The following CEP350 variants were observed in gnomAD, a reference collection of about 807,000 sequenced individuals.
CEP350 encodes the protein centrosome-associated protein 350.
CEP350 carries 126 observed loss-of-function variants against 331.8 expected under a neutral mutation model. The observed-to-expected ratio is 0.38, with a 90% confidence interval of 0.33 to 0.44. CEP350 has a LOEUF of 0.44. CEP350 is among the 20% of genes least tolerant of loss of function. CEP350 has a pLI of 1.00. For missense variants in CEP350, 3,406 were observed against 3,634.6 expected (o/e 0.94, Z 1.62); for synonymous variants, 1,200 against 1,259.5 (o/e 0.95, Z 1.00).
At chr1:180,041,559 T>C in intron 18 of CEP350, 103 bp from the exon 19 acceptor site, 1 of 1,172,248 alleles carries the variant, frequency 8.5e-7, no homozygotes, top group Non-Finnish European at 1.2e-6. Context: ...GTAAAGTGTT[T>C]TTTACTATGA....
At position 180,036,951 on chromosome 1, in the gene CEP350, C is replaced by T. The variant is rs140153441; in HGVS notation, c.3972C>T (p.Gly1324=). 1.9e-4 allele frequency: 295 copies of T among 1,582,002 alleles called. No individual in the cohort carries two copies. The highest frequency in any genetic ancestry group is 2.5e-4 in the Non-Finnish European group (287 of 1,165,694). Residue 1324 remains glycine, a synonymous_variant, in exon 17 of 38, where the codon GGC becomes GGT. Transcript: ENST00000367607. ...IPGSKRFSPA[G]LHHRMAAELS... is the part of the protein sequence containing the mutation. ...GTTCTAAGCGCTTTTCTCCTGCTGGCCTCCATCATCGTATGGCAGCAGAAC... is the reference window on the plus strand; with the variant it reads ...GTTCTAAGCGCTTTTCTCCTGCTGGTCTCCATCATCGTATGGCAGCAGAAC...
chr1:180,068,063 A>G (rs1022416980), intron 27 of CEP350, among the ~76,000 whole-genome samples: 2 of 152,234 alleles, frequency 1.3e-5, no homozygotes, highest in African/African-American at 4.8e-5. Flanking sequence ...ATTGTTATAA[A>G]TCACCAAAGA....
rs772956436 is a variant in CEP350 at position 180,041,788 on chromosome 1, C to T, written c.4348C>T (p.Arg1450Cys). 9.3e-6 allele frequency: 15 copies of T among 1,612,096 alleles called. No homozygotes were observed. The highest frequency in any genetic ancestry group is 2.2e-5 in the East Asian group (1 of 44,848). Residue 1450 changes from arginine to cysteine, a missense_variant, in exon 19 of 38, where the codon CGT becomes TGT. Arg to Cys is a radical substitution (Grantham distance 180). Coordinates refer to ENST00000367607, the MANE Select transcript of CEP350 (RefSeq NM_014810.5). ...ETARLTTDAA[R>C]QICEMAELTR... The stretch of plus-strand genomic sequence containing the variant: ...TGCTCGCCTCACCACAGACGCAGCA[C>T]GTCAAATCTGTGAGGTAGGTGCCAC...
At position 180,044,192 on chromosome 1, in the gene CEP350, C is replaced by CT. The variant is rs1558123416; in HGVS notation, c.4622+22dup. On this transcript the variant is annotated intron_variant, in intron 21 of 37. Transcript: ENST00000367607. ...ATAGAAGGTGAAGACAATTTGATTT[C>CT]TTTGTCAGTACAGTTTAGTAGATTG... is the stretch of plus-strand genomic sequence containing the variant. The CT allele has an allele frequency of 1.3e-6, 2 of 1,546,740 alleles. No homozygotes were observed. Among genetic ancestry groups the CT allele is most frequent in the Non-Finnish European group, 1.7e-6 (2 of 1,148,108 alleles).
At chr1:180,041,398 C>T (rs1030739320) in intron 18 of CEP350, 150 bp downstream of exon 18, 11 of 688,698 alleles carry the variant, frequency 1.6e-5, no homozygotes, top group Non-Finnish European at 2.4e-5. Flanking sequence ...CCATGTAATT[C>T]GATTTTTGTT....
Position 179,955,046 on chromosome 1 carries a change from G to T in CEP350, c.-110G>T. The stretch of plus-strand genomic sequence containing the variant: ...GTCCCCGGAGCGGGGAGGCCAGGCC[G>T]GGCAGCCCTGGGGCCGGTCGGGGCG... On this transcript the variant is annotated 5_prime_UTR_variant, in exon 1 of 38. Transcript: ENST00000367607. The T allele has an allele frequency of 7.4e-7, 1 of 1,356,522 alleles. No individual in the cohort carries two copies. Among genetic ancestry groups the T allele is most frequent in the Non-Finnish European group, 9.5e-7 (1 of 1,053,644 alleles). 84.0% of individuals were successfully genotyped at this position (1,356,522 alleles called of 1,614,324 possible). A position where few individuals can be genotyped will look rare whatever the true frequency, so the allele number is the denominator to read the frequency against.
intron 22 of CEP350, chr1:180,052,121 A>G (rs889459279): frequency 1.6e-5 from 7 of 426,162 alleles, no homozygotes; most frequent in African/African-American, 1.5e-4. Context: ...ACATCCATAT[A>G]TTACCTAGCT....
At chr1:180,058,830 C>G (rs1658019314) in intron 25 of CEP350, among the ~76,000 whole-genome samples, 1 of 152,036 alleles carries the variant, frequency 6.6e-6, no homozygotes, top group Non-Finnish European at 1.5e-5. Flanking sequence ...TAAGATATTT[C>G]TTGCAACTGT....
At chr1:180,038,131 C>T (rs1656496261) in intron 17 of CEP350, among the ~76,000 whole-genome samples, 1 of 152,152 alleles carries the variant, frequency 6.6e-6, no homozygotes, top group Non-Finnish European at 1.5e-5. Flanking sequence ...TATTCTAGAA[C>T]TTTGTATAAA....
At chr1:180,022,900 C>T in intron 13 of CEP350, 52 bp downstream of exon 13, 1 of 1,494,480 alleles carries the variant, frequency 6.7e-7, no homozygotes, top group Admixed American at 2.2e-5. Context: ...GAAAAATGTA[C>T]AAATGAGAAC....
In CEP350 at chr1:180,022,769, G is replaced by A; in HGVS notation, c.3307G>A (p.Gly1103Ser). 6.2e-7 allele frequency: 1 copy of A among 1,609,288 alleles called. No individual in the cohort carries two copies. The highest frequency in any genetic ancestry group is 1.1e-5 in the South Asian group (1 of 90,128). ...GAATGCCACCGCAACTCCTCTAAGTGGTGTTTCATATGAAGATGATTTTGT... is the reference window on the plus strand; with the variant it reads ...GAATGCCACCGCAACTCCTCTAAGTAGTGTTTCATATGAAGATGATTTTGT... ...PLNATATPLS[G>S]VSYEDDFVSS... The change falls in exon 13 of 38, where the codon GGT (glycine) becomes AGT (serine). Residue 1103 changes from glycine (G) to serine (S), a missense_variant. By Grantham distance (56) the Gly-to-Ser change is moderately conservative. Coordinates refer to ENST00000367607, the MANE Select transcript of CEP350 (RefSeq NM_014810.5).
At position 180,014,416 on chromosome 1, in the gene CEP350, A is replaced by G. The variant is rs1279961552; in HGVS notation, c.1963A>G (p.Arg655Gly). The change falls in exon 10 of 38, where the codon AGG (arginine) becomes GGG (glycine). Residue 655 changes from arginine (R) to glycine (G), a missense_variant. By Grantham distance (125) the Arg-to-Gly change is moderately radical (BLOSUM62 -2). Coordinates refer to ENST00000367607, the MANE Select transcript of CEP350 (RefSeq NM_014810.5). ...NVPPSEPSAT[R>G]RLQETYSKLL... ...CCCTCCTTCTGAGCCATCAGCAACT[A>G]GGCGACTACAGGAAACTTACTCCAA... 1.9e-6 allele frequency: 3 copies of G among 1,607,260 alleles called. No homozygotes were observed. Among genetic ancestry groups the G allele is most frequent in the Non-Finnish European group, 2.5e-6 (3 of 1,176,752 alleles).
At chr1:179,984,373 T>C (rs1037690481) in intron 1 of CEP350, among the ~76,000 whole-genome samples, 4 of 152,222 alleles carry the variant, frequency 2.6e-5, no homozygotes, top group African/African-American at 9.6e-5. Flanking sequence ...GGATGTCAGG[T>C]AGAGCTGTAG....
intron 34 of CEP350, among the ~76,000 whole-genome samples, chr1:180,094,964 G>A (rs750603562): frequency 3.9e-5 from 6 of 152,166 alleles, no homozygotes; most frequent in East Asian, 1.9e-4. Context: ...GAACAAATTC[G>A]TTCCATGGAG....
intron 1 of CEP350, among the ~76,000 whole-genome samples, chr1:179,974,242 G>C (rs1424992349): frequency 6.6e-6 from 1 of 152,022 alleles, no homozygotes; most frequent in Non-Finnish European, 1.5e-5. Flanking sequence ...ACCACGTCTG[G>C]CTAATTTTTT....
intron 30 of CEP350, among the ~76,000 whole-genome samples, chr1:180,081,000 C>T (rs1269278748): frequency 1.3e-5 from 2 of 151,846 alleles, no homozygotes; most frequent in Admixed American, 6.5e-5. Flanking sequence ...GCTGGGATTA[C>T]AGGCACCCGC....
At chr1:180,034,594 A>C (rs1013427259) in intron 16 of CEP350, among the ~76,000 whole-genome samples, 1 of 151,842 alleles carries the variant, frequency 6.6e-6, no homozygotes, top group Admixed American at 6.6e-5. Context: ...TAAATCTCTC[A>C]ATATTTCAGG....
intron 8 of CEP350, among the ~76,000 whole-genome samples, chr1:180,011,683 G>A (rs1654668026): frequency 6.6e-6 from 1 of 152,082 alleles, no homozygotes. Flanking sequence ...TTGAGGTTTA[G>A]GAATCATTAT....
chr1:180,051,868 G>C (rs1433703106), intron 22 of CEP350, among the ~76,000 whole-genome samples: 1 of 152,164 alleles, frequency 6.6e-6, no homozygotes, highest in Non-Finnish European at 1.5e-5. Flanking sequence ...CAGGGGTACA[G>C]GTTAACAGTT....
Sources: allele counts gnomAD v4.1 joint callset (sites outside exome capture counted in the v4.1 genomes callset), GRCh38; gene constraint gnomAD v4.1.1; transcripts MANE v1.5; gene names NCBI Gene and HGNC (gene_info 2026-07-23, HGNC 2026-07-21).